Variants in DNM2 observed in about 807,000 individuals in gnomAD.
The protein encoded by DNM2 is dynamin 2.
Under a neutral mutation model 99.0 loss-of-function variants are expected in DNM2, and 15 were observed. The ratio of observed to expected loss-of-function variants is 0.15; its 90% confidence interval spans 0.10 to 0.23. The LOEUF (loss-of-function observed/expected upper bound fraction) is 0.23. Among genes scored for constraint, DNM2 ranks in the 10% least tolerant of loss-of-function variants. The pLI is 1.00. For missense variants in DNM2, 742 were observed against 1,189.4 expected, an observed-to-expected ratio of 0.62 and a Z score of 5.53; for synonymous variants, 525 against 481.2, an observed-to-expected ratio of 1.09 and a Z score of -1.19.
At chr19:10,744,015 A>G (rs1351139230) in intron 1 of DNM2, among the ~76,000 whole-genome samples, 4 of 149,168 alleles carry the variant, frequency 2.7e-5, no homozygotes, top group African/African-American at 9.9e-5. Context: ...AAAATTAGCC[A>G]GACGTGGTAG....
chr19:10,746,779 A>G (rs1365549818), intron 1 of DNM2, among the ~76,000 whole-genome samples: 3 of 116,464 alleles, frequency 2.6e-5, no homozygotes, highest in African/African-American at 3.4e-5. Flanking sequence ...CCCAGGCTGG[A>G]GTGCAATGGC....
chr19:10,807,539 CTTTTTTTTTTTT>C lies in DNM2; in HGVS notation c.1546-1014_1546-1003del, dbSNP rs763788862. ...ACAAGCGTGAGCCATCACGTCCAGCCTTTTTTTTTTTTTTTTTTTTTTTTTTTGAGACAGAGT... is the reference window on the plus strand; with the variant it reads ...ACAAGCGTGAGCCATCACGTCCAGCCTTTTTTTTTTTTTTTGAGACAGAGT... On this transcript the variant is annotated intron_variant, in intron 13 of 20. Transcript: ENST00000389253. 1.0e-3 allele frequency among the ~76,000 whole-genome samples: 94 copies of C among 91,218 alleles called. 1 individual carries two copies. Among genetic ancestry groups the C allele is most frequent in the South Asian group, 2.3e-3 (6 of 2,654 alleles). 59.8% of individuals were successfully genotyped at this position (91,218 alleles called of 152,430 possible).
At chr19:10,760,827 A>ATTTTTTTTTTTTTTTTT (rs57290103) in intron 2 of DNM2, among the ~76,000 whole-genome samples, 1,201 of 41,206 alleles carry the variant, frequency 0.029, 494 homozygotes, top group East Asian at 0.18. Flanking sequence ...CACCCAGCTG[A>ATTTTTTTTTTTTTTTTT]TTTTTTTTTT....
intron 1 of DNM2, among the ~76,000 whole-genome samples, chr19:10,758,164 C>T (rs1366840693): frequency 6.6e-6 from 1 of 152,044 alleles, no homozygotes; most frequent in South Asian, 2.1e-4. Flanking sequence ...CACTGTAAGT[C>T]GGAGCAGGCT....
chr19:10,767,742 CTAAAAATATACAAAT>C (rs2070845339), intron 2 of DNM2, among the ~76,000 whole-genome samples: 2 of 152,156 alleles, frequency 1.3e-5, no homozygotes, highest in East Asian at 3.9e-4. Flanking sequence ...CTCATCTTTA[CTAAAAATATACAAAT>C]TAGCCAGGCG....
rs534897506 is a variant in DNM2 at position 10,831,790 on chromosome 19, G to C, written c.*743G>C. The C allele has an allele frequency of 1.0e-6, 1 of 987,308 alleles. No homozygotes were observed. The highest frequency in any genetic ancestry group is 1.2e-6 in the Non-Finnish European group (1 of 831,024). The allele number at this position is 987,308 out of a possible 1,614,324, so 61.2% of individuals were successfully genotyped here. A position where few individuals can be genotyped will look rare whatever the true frequency, so the allele number is the denominator to read the frequency against. On this transcript the variant is annotated 3_prime_UTR_variant, in exon 21 of 21. Transcript: ENST00000389253. This position sits in a 1 kb window ranked among gnomAD's most constrained non-coding sequence, Gnocchi z 4.3. ...CATGCCTCCCTGATGGGTGGGCCCAGGGCGGCCTCTCTCTGAGGAGACCTC... is the reference window on the plus strand; with the variant it reads ...CATGCCTCCCTGATGGGTGGGCCCACGGCGGCCTCTCTCTGAGGAGACCTC...
chr19:10,756,216 G>A (rs900750020), intron 1 of DNM2, among the ~76,000 whole-genome samples: 1 of 152,002 alleles, frequency 6.6e-6, no homozygotes, highest in African/African-American at 2.4e-5. Context: ...CCCTCGTTCA[G>A]TTCACTCCGC....
intron 11 of DNM2, 72 bp from the exon 12 acceptor site, chr19:10,802,216 G>A (rs2072175787): frequency 6.5e-7 from 1 of 1,544,070 alleles, no homozygotes; most frequent in South Asian, 1.1e-5. Context: ...GCAAGGCCAG[G>A]AAATGCTCTT....
chr19:10,723,522 C>T (rs1239721793), intron 1 of DNM2, among the ~76,000 whole-genome samples: 1 of 152,126 alleles, frequency 6.6e-6, no homozygotes, highest in Non-Finnish European at 1.5e-5. Flanking sequence ...CCTGCCTTGG[C>T]CTCCCAAGGT....
intron 11 of DNM2, among the ~76,000 whole-genome samples, chr19:10,802,014 A>T (rs563949686): frequency 1.9e-4 from 29 of 152,178 alleles, no homozygotes; most frequent in African/African-American, 7.0e-4. Flanking sequence ...GCCCAGGGTC[A>T]CACGGCCAAT....
Position 10,795,686 on chromosome 19 carries a change from C to T in DNM2, c.1196+247C>T, listed in dbSNP as rs2146024111. The T allele has an allele frequency of 1.7e-6, 1 of 590,950 alleles. No homozygotes were observed. The highest frequency in any genetic ancestry group is 2.9e-5 in the East Asian group (1 of 34,632). 36.6% of individuals were successfully genotyped at this position (590,950 alleles called of 1,614,324 possible). A position where few individuals can be genotyped will look rare whatever the true frequency, so the allele number is the denominator to read the frequency against. The stretch of plus-strand genomic sequence containing the variant: ...GCTCCTGATCAAATAGGGCTTAGTT[C>T]CTGCCCAGTCGGTTGGTGTGAACCT... On this transcript the variant is annotated intron_variant, in intron 9 of 20. Coordinates refer to ENST00000389253, the MANE Select transcript of DNM2 (RefSeq NM_001005361.3). This position sits in a 1 kb window ranked among gnomAD's most constrained non-coding sequence, Gnocchi z 4.2.
chr19:10,726,803 C>T (rs190102248), intron 1 of DNM2, among the ~76,000 whole-genome samples: 34 of 152,204 alleles, frequency 2.2e-4, no homozygotes, highest in African/African-American at 7.5e-4. Context: ...ACGGAGGTTG[C>T]GGTAAGCCGA....
chr19:10,794,392 T>C (rs1046425107), intron 8 of DNM2, among the ~76,000 whole-genome samples: 4 of 147,542 alleles, frequency 2.7e-5, no homozygotes, highest in Non-Finnish European at 6.0e-5. Flanking sequence ...TTGCTTGAAG[T>C]TTTATACTGT....
At chr19:10,790,925 T>A (rs951526640) in intron 7 of DNM2, among the ~76,000 whole-genome samples, 1 of 152,074 alleles carries the variant, frequency 6.6e-6, no homozygotes, top group African/African-American at 2.4e-5. Flanking sequence ...TGCGCCACCA[T>A]GCCTAGCTAA....
intron 2 of DNM2, among the ~76,000 whole-genome samples, chr19:10,768,367 T>C (rs2145894541): frequency 6.6e-6 from 1 of 152,150 alleles, no homozygotes; most frequent in East Asian, 1.9e-4. Flanking sequence ...GGTAGGAGAA[T>C]GGCATGAACC....
chr19:10,772,268 A>G lies in DNM2; in HGVS notation c.236-211A>G, dbSNP rs190107440. Among the ~76,000 whole-genome samples, 8 of 151,946 alleles carry G rather than the reference A, an allele frequency of 5.3e-5. No individual in the cohort carries two copies. The East Asian group carries it at 1.5e-3, about 29-fold the overall frequency. On this transcript the variant is annotated intron_variant, in intron 2 of 20. Transcript: ENST00000389253. The surrounding 1 kb of genome is among the most constrained non-coding windows in gnomAD (Gnocchi z 4.9). ...CTAATTTTTTGTATTTTTAGTAGAG[A>G]CAGGGTTTCACCATGTTAGTGAGGA...
intron 1 of DNM2, among the ~76,000 whole-genome samples, chr19:10,729,082 G>A (rs986094266): frequency 2.5e-5 from 3 of 118,878 alleles, no homozygotes; most frequent in Admixed American, 8.7e-5. Context: ...GGAGAATGGC[G>A]TGAACCCGGG....
At position 10,805,909 on chromosome 19, in the gene DNM2, G is replaced by C. The variant is rs1411637269; in HGVS notation, c.1494-7G>C. The C allele has an allele frequency of 6.2e-7, 1 of 1,614,102 alleles. No homozygotes were observed. Among genetic ancestry groups the C allele is most frequent in the South Asian group, 1.1e-5 (1 of 91,084 alleles). ...CCACGTGAACCCTGTCTGTTCTTTG[G>C]TTTCAGTGCCCAGCAGAGGAGCACG... On this transcript the variant is annotated splice_polypyrimidine_tract_variant and splice_region_variant and intron_variant, in intron 12 of 20. Transcript: ENST00000389253.
intron 1 of DNM2, among the ~76,000 whole-genome samples, chr19:10,737,400 C>T (rs1351859942): frequency 6.6e-6 from 1 of 152,134 alleles, no homozygotes; most frequent in African/African-American, 2.4e-5. Context: ...CTCAAACGCC[C>T]CACCCTGTTC....
Sources: allele counts gnomAD v4.1 joint callset (sites outside exome capture counted in the v4.1 genomes callset), GRCh38; gene constraint gnomAD v4.1.1; non-coding constraint Gnocchi (gnomAD v3.1); transcripts MANE v1.5; gene names NCBI Gene and HGNC (gene_info 2026-07-23, HGNC 2026-07-21).